Variants in LGMN observed in about 807,000 individuals in gnomAD.
LGMN encodes asparaginyl endopeptidase.
In LGMN, 36 loss-of-function variants were observed where a neutral mutation model predicts 56.8. The observed-to-expected ratio is 0.63, with a 90% CI of 0.49 to 0.84. LGMN has a LOEUF of 0.84. Ranked by LOEUF, LGMN falls within the 40% of genes least tolerant of loss-of-function variation. LGMN has a pLI of 0.00. For missense variants in LGMN, 446 were observed against 556.1 expected (o/e 0.80, Z 1.99); for synonymous variants, 199 against 210.1 (o/e 0.95, Z 0.46).
intron 1 of LGMN, among the ~76,000 whole-genome samples, chr14:92,747,674 T>C (rs551306214): frequency 2.8e-4 from 42 of 152,236 alleles, no homozygotes; most frequent in Admixed American, 2.3e-3. Context: ...TATGAAACAA[T>C]CTCTGCTCAA....
intron 4 of LGMN, 38 bp from the exon 5 acceptor site, chr14:92,716,259 C>A (rs376962504): frequency 8.2e-6 from 12 of 1,458,202 alleles, no homozygotes; most frequent in South Asian, 2.3e-5. Context: ...ATGCAGCTGT[C>A]GCTCCAACCC....
intron 1 of LGMN, among the ~76,000 whole-genome samples, chr14:92,737,533 A>T (rs1347432735): frequency 6.6e-6 from 1 of 152,220 alleles, no homozygotes; most frequent in Non-Finnish European, 1.5e-5. Context: ...CAGACAGCAC[A>T]GTAGATAAGA....
chr14:92,725,800 C>T (rs1890713563), intron 2 of LGMN, among the ~76,000 whole-genome samples: 1 of 151,898 alleles, frequency 6.6e-6, no homozygotes, highest in African/African-American at 2.4e-5. Flanking sequence ...GTCTCAAACT[C>T]CTGACCTCAG....
intron 2 of LGMN, among the ~76,000 whole-genome samples, chr14:92,722,105 A>C (rs551201372): frequency 6.6e-6 from 1 of 152,312 alleles, no homozygotes; most frequent in South Asian, 2.1e-4. Flanking sequence ...ATGACAAAAA[A>C]TTCAGGAGCT....
chr14:92,718,585 T>TAA (rs543289758), intron 3 of LGMN, among the ~76,000 whole-genome samples, 162 bp downstream of exon 3: 37 of 136,724 alleles, frequency 2.7e-4, no homozygotes, highest in African/African-American at 8.9e-4. Context: ...TAAATAATAA[T>TAA]AAAAAAAAAA....
At chr14:92,717,949 C>G (rs190993844) in intron 3 of LGMN, among the ~76,000 whole-genome samples, 65 of 152,284 alleles carry the variant, frequency 4.3e-4, no homozygotes, top group African/African-American at 1.5e-3. Context: ...GAGGTTAGAA[C>G]TCGCTGAGTT....
At chr14:92,709,951 A>AGAGC in intron 10 of LGMN, 79 bp from the exon 11 acceptor site, 1 of 1,247,164 alleles carries the variant, frequency 8.0e-7, no homozygotes. Flanking sequence ...AGGGAGAGAG[A>AGAGC]GAGCTGGTTT....
At chr14:92,723,594 T>C (rs1037562778) in intron 2 of LGMN, among the ~76,000 whole-genome samples, 1 of 152,152 alleles carries the variant, frequency 6.6e-6, no homozygotes, top group African/African-American at 2.4e-5. Context: ...AACATGACAC[T>C]AGGGGAAGCC....
intron 1 of LGMN, among the ~76,000 whole-genome samples, chr14:92,745,191 C>T (rs572436894): frequency 6.6e-5 from 10 of 152,158 alleles, no homozygotes; most frequent in African/African-American, 2.4e-4. Flanking sequence ...ATAACTTCTC[C>T]ACATTTTAAT....
At chr14:92,720,398 T>C (rs1595542832) in intron 2 of LGMN, among the ~76,000 whole-genome samples, 1 of 152,356 alleles carries the variant, frequency 6.6e-6, no homozygotes, top group East Asian at 1.9e-4. Flanking sequence ...CCAGGCACAA[T>C]GGCTCATGCC....
chr14:92,746,835 G>C (rs1891840593), intron 1 of LGMN, among the ~76,000 whole-genome samples: 1 of 152,068 alleles, frequency 6.6e-6, no homozygotes, highest in Admixed American at 6.6e-5. Context: ...AGCAGATCGA[G>C]ACCATCCTGG....
chr14:92,712,036 C>T, intron 8 of LGMN, 81 bp from the exon 9 acceptor site: 1 of 1,098,612 alleles, frequency 9.1e-7, no homozygotes, highest in South Asian at 1.3e-5. Flanking sequence ...CCTTCTTTCT[C>T]CCCCGGTGAA....
At chr14:92,746,615 AC>A (rs1193665007) in intron 1 of LGMN, among the ~76,000 whole-genome samples, 1 of 152,122 alleles carries the variant, frequency 6.6e-6, no homozygotes, top group African/African-American at 2.4e-5. Context: ...ACTTTTCCAC[AC>A]TACAGAGTAT....
At chr14:92,728,143 G>A (rs1270523877) in intron 2 of LGMN, among the ~76,000 whole-genome samples, 1 of 152,152 alleles carries the variant, frequency 6.6e-6, no homozygotes, top group African/African-American at 2.4e-5. Flanking sequence ...AGCGGTCCAC[G>A]ACCTTTTTGG....
intron 7 of LGMN, 67 bp from the exon 8 acceptor site, chr14:92,712,938 G>T: frequency 7.0e-7 from 1 of 1,421,314 alleles, no homozygotes; most frequent in Non-Finnish European, 9.8e-7. Flanking sequence ...TGCTACTGGA[G>T]CTCTGCCCAC....
intron 1 of LGMN, among the ~76,000 whole-genome samples, chr14:92,747,702 G>A (rs571050900): frequency 6.6e-6 from 1 of 152,128 alleles, no homozygotes; most frequent in African/African-American, 2.4e-5. Context: ...AGTAAGGCTC[G>A]AAAATGTTTG....
rs536003533 is a variant in LGMN, at chr14:92,705,001, G to C, written c.1192-294C>G. 3.0e-4 allele frequency: 100 copies of C among 335,060 alleles called. 2 individuals carry two copies. Among genetic ancestry groups the C allele is most frequent in the African/African-American group, 2.0e-3 (97 of 49,058 alleles). 20.8% of individuals were successfully genotyped at this position (335,060 alleles called of 1,614,324 possible). The stretch of plus-strand genomic sequence containing the variant: ...CCCGATGGCTCTGCTCCCCGCCATG[G>C]CCTGGGATCTCCCCGGGAAGTCTGC... On this transcript the variant is annotated intron_variant, in intron 12 of 13. Transcript: ENST00000334869.
chr14:92,717,551 T>A, intron 3 of LGMN, 90 bp from the exon 4 acceptor site: 1 of 963,524 alleles, frequency 1.0e-6, no homozygotes, highest in Non-Finnish European at 1.7e-6. Context: ...GAAAAAATAG[T>A]AAACGTCTAT....
chr14:92,733,163 AAAAG>A (rs1891140840), intron 1 of LGMN, among the ~76,000 whole-genome samples: 1 of 151,996 alleles, frequency 6.6e-6, no homozygotes, highest in South Asian at 2.1e-4. Flanking sequence ...AAAAAAAAAA[AAAAG>A]AACAGATAAA....
Sources: allele counts gnomAD v4.1 joint callset (sites outside exome capture counted in the v4.1 genomes callset), GRCh38; gene constraint gnomAD v4.1.1; transcripts MANE v1.5; gene names NCBI Gene and HGNC (gene_info 2026-07-23, HGNC 2026-07-21).